Variants in NRXN3 observed in about 807,000 individuals in gnomAD.
NRXN3 encodes neurexin 3.
Under a neutral mutation model 137.6 loss-of-function variants are expected in NRXN3, and 32 were observed. The observed-to-expected ratio is 0.23, with a 90% CI of 0.18 to 0.31. The LOEUF (loss-of-function observed/expected upper bound fraction) is 0.31. Among genes scored for constraint, NRXN3 ranks in the 10% least tolerant of loss-of-function variants. The pLI is 1.00. For synonymous variants in NRXN3, 798 were observed against 784.5 expected (o/e 1.02, Z -0.29); for missense variants, 1,574 against 2,062.5 (o/e 0.76, Z 4.59).
intron 15 of NRXN3, among the ~76,000 whole-genome samples, chr14:79,386,058 C>T (rs2094606005): frequency 6.6e-6 from 1 of 152,102 alleles, no homozygotes. Flanking sequence ...CAAGGATGTC[C>T]TCTCTCACCA....
At position 78,589,372 on chromosome 14, in the gene NRXN3, G is replaced by A. The variant is rs141275334; in HGVS notation, c.758-55748G>A. Among the ~76,000 whole-genome samples the A allele has an allele frequency of 1.7e-3, 262 of 152,270 alleles. 1 individual carries two copies. Among genetic ancestry groups the A allele is most frequent in the African/African-American group, 6.2e-3 (256 of 41,548 alleles). Reference sequence around the variant, plus strand: ...GCTACTGTTCCTGAAGGACTCATAAGAAGACTTCTGTGCACTTCCAGCCTC... The same window carrying A: ...GCTACTGTTCCTGAAGGACTCATAAAAAGACTTCTGTGCACTTCCAGCCTC... On this transcript the variant is annotated intron_variant, in intron 4 of 20. Transcript: ENST00000335750.
chr14:78,934,550 G>C (rs1254893512), intron 10 of NRXN3, among the ~76,000 whole-genome samples: 6 of 152,210 alleles, frequency 3.9e-5, no homozygotes, highest in African/African-American at 1.4e-4. Context: ...CTCTCCTACC[G>C]ATGCCTTTAC....
intron 19 of NRXN3, among the ~76,000 whole-genome samples, chr14:79,785,482 A>G (rs1250022667): frequency 6.6e-6 from 1 of 152,152 alleles, no homozygotes; most frequent in Non-Finnish European, 1.5e-5. Context: ...TACCTGGACT[A>G]TCTGCTCCCA....
chr14:78,940,791 T>A (rs2099351557), intron 10 of NRXN3, among the ~76,000 whole-genome samples: 1 of 152,200 alleles, frequency 6.6e-6, no homozygotes, highest in Admixed American at 6.5e-5. Context: ...CACTTAAATA[T>A]GTTTTTGTAA....
At chr14:79,416,508 G>A (rs897982576) in intron 15 of NRXN3, among the ~76,000 whole-genome samples, 1 of 152,050 alleles carries the variant, frequency 6.6e-6, no homozygotes, top group African/African-American at 2.4e-5. Flanking sequence ...CATTAACGTG[G>A]CAGATGACAT....
intron 10 of NRXN3, among the ~76,000 whole-genome samples, chr14:78,883,316 AAAG>A (rs1369869222): frequency 6.6e-6 from 1 of 152,210 alleles, no homozygotes; most frequent in Admixed American, 6.5e-5. Context: ...CACCTTCTGT[AAAG>A]AAGAGTGACT....
At chr14:79,497,215 A>T (rs552845194) in intron 16 of NRXN3, among the ~76,000 whole-genome samples, 1 of 152,270 alleles carries the variant, frequency 6.6e-6, no homozygotes, top group South Asian at 2.1e-4. Context: ...GCTGCTGGTG[A>T]TGAAGCCAGA....
chr14:79,168,841 T>C (rs1002697460), intron 15 of NRXN3, among the ~76,000 whole-genome samples: 21 of 152,202 alleles, frequency 1.4e-4, no homozygotes, highest in African/African-American at 5.1e-4. Context: ...AATACCTAAA[T>C]TTATAGTATG....
Position 78,497,921 on chromosome 14 carries a change from G to A in NRXN3, c.758-147199G>A, listed in dbSNP as rs368504666. 3.9e-5 allele frequency among the ~76,000 whole-genome samples: 6 copies of A among 152,256 alleles called. No individual in the cohort carries two copies. The South Asian group carries it at 1.2e-3, about 32-fold the overall frequency. On this transcript the variant is annotated intron_variant, in intron 4 of 20. Coordinates refer to ENST00000335750, the MANE Select transcript of NRXN3 (RefSeq NM_001330195.2). The stretch of plus-strand genomic sequence containing the variant: ...AATTAATTCAAGTCCTTTTCATTTT[G>A]TCCCGGAGGAATAGTTTTAGTAGTT...
chr14:78,481,127 T>A (rs2153739534), intron 4 of NRXN3, among the ~76,000 whole-genome samples: 1 of 152,252 alleles, frequency 6.6e-6, no homozygotes, highest in East Asian at 1.9e-4. Context: ...GGTGTGCAAG[T>A]GTGGGGTTAA....
At chr14:78,872,066 T>A (rs1241825473) in intron 10 of NRXN3, among the ~76,000 whole-genome samples, 1 of 151,950 alleles carries the variant, frequency 6.6e-6, no homozygotes, top group Non-Finnish European at 1.5e-5. Context: ...CTTTTAGTTG[T>A]TTCTTCTGAT....
chr14:79,318,433 C>T (rs1002988705), intron 15 of NRXN3, among the ~76,000 whole-genome samples: 1 of 134,046 alleles, frequency 7.5e-6, no homozygotes, highest in African/African-American at 2.8e-5. Context: ...TTCTTAGGTC[C>T]AATGCTAGGA....
intron 16 of NRXN3, among the ~76,000 whole-genome samples, chr14:79,501,799 A>C (rs1487147479): frequency 6.6e-6 from 1 of 151,112 alleles, no homozygotes; most frequent in Non-Finnish European, 1.5e-5. Flanking sequence ...CTGAGACCCT[A>C]GGTTCAGTTA....
In NRXN3 at chr14:79,088,593, T is replaced by A. The variant is rs373223003; in HGVS notation, c.3262+100452T>A. 4.6e-5 allele frequency among the ~76,000 whole-genome samples: 7 copies of A among 152,272 alleles called. 1 individual carries two copies. The highest frequency in any genetic ancestry group is 1.7e-4 in the African/African-American group (7 of 41,556). On this transcript the variant is annotated intron_variant, in intron 15 of 20. Transcript: ENST00000335750. Reference sequence around the variant, plus strand: ...CTATGACTTGGGCTTAAGAAGTCTCTTAACAGTTCCTCAGATGTAGTACCT... The same window carrying A: ...CTATGACTTGGGCTTAAGAAGTCTCATAACAGTTCCTCAGATGTAGTACCT...
rs570975284 is a variant in NRXN3, at chr14:78,304,184, C to T, written c.757+6324C>T. Among the ~76,000 whole-genome samples, 6 of 152,270 alleles carry T rather than the reference C, an allele frequency of 3.9e-5. No homozygotes were observed. The South Asian group carries it at 1.2e-3, about 32-fold the overall frequency. ...TGAAGTAAGACCACGTGTTCTGGCT[C>T]CACTTCCCTCCTCACTAAGGCCTTC... On this transcript the variant is annotated intron_variant, in intron 4 of 20. Transcript: ENST00000335750.
chr14:79,534,389 A>G (rs2097194260), intron 16 of NRXN3, among the ~76,000 whole-genome samples: 1 of 152,204 alleles, frequency 6.6e-6, no homozygotes, highest in Admixed American at 6.5e-5. Flanking sequence ...AACTTAATAT[A>G]TTAAAAGAGG....
At chr14:78,968,119 C>T in intron 13 of NRXN3, 54 bp from the exon 14 acceptor site, 1 of 1,025,006 alleles carries the variant, frequency 9.8e-7, no homozygotes, top group Non-Finnish European at 1.3e-6. Context: ...AACTAGTTGA[C>T]ATGGTCACCA....
At position 79,074,065 on chromosome 14, in the gene NRXN3, A is replaced by G. The variant is rs142378755; in HGVS notation, c.3262+85924A>G. On this transcript the variant is annotated intron_variant, in intron 15 of 20. Transcript: ENST00000335750. ...CTGCATTGTTCACATTATCTAACACATTACCTTCCACATCGTAGGTACACA... is the reference window on the plus strand; with the variant it reads ...CTGCATTGTTCACATTATCTAACACGTTACCTTCCACATCGTAGGTACACA... Among the ~76,000 whole-genome samples, 653 of 152,302 alleles carry G rather than the reference A, an allele frequency of 4.3e-3. 2 individuals carry two copies. Among genetic ancestry groups the G allele is most frequent in the Middle Eastern group, 0.037 (11 of 294 alleles).
intron 16 of NRXN3, among the ~76,000 whole-genome samples, chr14:79,498,137 CT>C (rs1487862286): frequency 6.6e-6 from 1 of 152,060 alleles, no homozygotes; most frequent in Non-Finnish European, 1.5e-5. Context: ...TTTAAATACA[CT>C]TTTACCAAGT....
Sources: gnomAD v4.1 joint callset for allele counts (sites outside exome capture counted in the v4.1 genomes callset) on GRCh38, gnomAD v4.1.1 for gene constraint, MANE v1.5 for transcripts, NCBI Gene and HGNC (gene_info 2026-07-23, HGNC 2026-07-21) for gene names.